VEGFC: variants seen among roughly 807,000 people sequenced by gnomAD.
VEGFC encodes the protein vascular endothelial growth factor C, also known as FLT4 ligand DHM.
Under a neutral mutation model 46.1 loss-of-function variants are expected in VEGFC, and 12 were observed. The observed-to-expected ratio is 0.26, with a 90% CI of 0.17 to 0.42. The LOEUF is 0.42. VEGFC is among the 10% of genes least tolerant of loss of function. The pLI is 1.00. For missense variants in VEGFC, 488 were observed against 529.4 expected, an observed-to-expected ratio of 0.92 and a Z score of 0.77; for synonymous variants, 232 against 195.5, an observed-to-expected ratio of 1.19 and a Z score of -1.56.
chr4:176,771,922 AT>A (rs1306063729), intron 1 of VEGFC, among the ~76,000 whole-genome samples: 1 of 152,146 alleles, frequency 6.6e-6, no homozygotes, highest in African/African-American at 2.4e-5. Context: ...TGATCCCCCA[AT>A]TTTCATATGA....
intron 1 of VEGFC, among the ~76,000 whole-genome samples, chr4:176,740,546 T>C (rs1476333228): frequency 6.9e-6 from 1 of 144,172 alleles, no homozygotes; most frequent in Non-Finnish European, 1.5e-5. Context: ...ATATAGAACA[T>C]ATGTAACTAT....
intron 1 of VEGFC, among the ~76,000 whole-genome samples, chr4:176,763,373 A>C (rs553165943): frequency 1.7e-5 from 2 of 117,034 alleles, no homozygotes; most frequent in African/African-American, 6.0e-5. Flanking sequence ...ACTATAGTTA[A>C]CATGAATGAA....
At chr4:176,769,968 T>C (rs146836023) in intron 1 of VEGFC, among the ~76,000 whole-genome samples, 43 of 152,286 alleles carry the variant, frequency 2.8e-4, no homozygotes, top group African/African-American at 9.9e-4. Context: ...TCCCTGAAAA[T>C]ATTATTTCCT....
intron 1 of VEGFC, among the ~76,000 whole-genome samples, chr4:176,740,367 T>A (rs1462304056): frequency 8.2e-6 from 1 of 121,224 alleles, no homozygotes; most frequent in African/African-American, 3.4e-5. Flanking sequence ...TTATATATAT[T>A]CTATATATAG....
chr4:176,736,975 A>G (rs1231105086), intron 1 of VEGFC, among the ~76,000 whole-genome samples: 1 of 151,198 alleles, frequency 6.6e-6, no homozygotes, highest in Non-Finnish European at 1.5e-5. Flanking sequence ...TCAACAAATG[A>G]TAACTAATGT....
rs545042108 is a variant in VEGFC, at chr4:176,716,710, C to T, written c.553-5060G>A. Among the ~76,000 whole-genome samples the T allele has an allele frequency of 8.6e-5, 13 of 151,764 alleles. No homozygotes were observed. The East Asian group carries it at 1.3e-3, about 16-fold the overall frequency. ...ATTTCTGAAATACCAAATAGCTTAC[C>T]GTAAACACTGGAGTTTAATTCCCTT... On this transcript the variant is annotated intron_variant, in intron 3 of 6. Transcript: ENST00000618562.
At chr4:176,712,692 C>T (rs902589333) in intron 3 of VEGFC, among the ~76,000 whole-genome samples, 10 of 152,112 alleles carry the variant, frequency 6.6e-5, no homozygotes, top group African/African-American at 1.7e-4. Flanking sequence ...TGAACTTTCA[C>T]GCCATCAGCT....
At chr4:176,780,075 G>A (rs1480623644) in intron 1 of VEGFC, among the ~76,000 whole-genome samples, 3 of 152,046 alleles carry the variant, frequency 2.0e-5, no homozygotes, top group African/African-American at 4.8e-5. Flanking sequence ...TTTTACAGGG[G>A]TATCTATTAA....
At chr4:176,746,186 T>G (rs1370591328) in intron 1 of VEGFC, among the ~76,000 whole-genome samples, 1 of 152,076 alleles carries the variant, frequency 6.6e-6, no homozygotes, top group African/African-American at 2.4e-5. Context: ...AAAAAATACC[T>G]TATCCTCACC....
chr4:176,731,254 A>T (rs917280447), intron 1 of VEGFC, among the ~76,000 whole-genome samples: 4 of 152,010 alleles, frequency 2.6e-5, no homozygotes, highest in Admixed American at 6.6e-5. Flanking sequence ...TGCCAAAAAA[A>T]CTCACTTATG....
chr4:176,784,779 A>AAAAAAAAAAAAAAAG (rs1553998122), intron 1 of VEGFC, among the ~76,000 whole-genome samples: 1 of 100,290 alleles, frequency 1.0e-5, no homozygotes, highest in Non-Finnish European at 2.1e-5. Context: ...AAAAAAAAAA[A>AAAAAAAAAAAAAAAG]GATAAAGTAA....
At chr4:176,721,061 G>C (rs1734778432) in intron 3 of VEGFC, among the ~76,000 whole-genome samples, 1 of 151,912 alleles carries the variant, frequency 6.6e-6, no homozygotes, top group African/African-American at 2.4e-5. Context: ...CAAACACAGA[G>C]TACAGCATTG....
At chr4:176,696,827 C>T (rs994864058) in intron 4 of VEGFC, among the ~76,000 whole-genome samples, 4 of 152,150 alleles carry the variant, frequency 2.6e-5, no homozygotes, top group African/African-American at 9.7e-5. Context: ...AGAAATAACG[C>T]CGCATATCTA....
chr4:176,747,250 GTTC>G (rs567850980), intron 1 of VEGFC, among the ~76,000 whole-genome samples: 132 of 152,090 alleles, frequency 8.7e-4, no homozygotes, highest in African/African-American at 2.9e-3. Flanking sequence ...AACTGAATAT[GTTC>G]TTCTTCACCA....
chr4:176,690,019 G>C (rs936788136), intron 4 of VEGFC, among the ~76,000 whole-genome samples: 1 of 152,002 alleles, frequency 6.6e-6, no homozygotes, highest in Non-Finnish European at 1.5e-5. Flanking sequence ...ATCTATTTTT[G>C]GGAATAGATT....
At chr4:176,685,406 A>G (rs919209952) in intron 6 of VEGFC, among the ~76,000 whole-genome samples, 9 of 152,302 alleles carry the variant, frequency 5.9e-5, no homozygotes, top group Non-Finnish European at 1.0e-4. Context: ...TCAAAATATG[A>G]TATTTTCTCT....
chr4:176,758,048 TACTC>T (rs1735464391), intron 1 of VEGFC, among the ~76,000 whole-genome samples: 3 of 152,232 alleles, frequency 2.0e-5, no homozygotes, highest in Admixed American at 2.0e-4. Context: ...TTTTGTAAAT[TACTC>T]ATTCATTCAA....
rs142544379 is a variant in VEGFC, at chr4:176,762,559, T to C, written c.147+29606A>G. On this transcript the variant is annotated intron_variant, in intron 1 of 6. Coordinates refer to ENST00000618562, the MANE Select transcript of VEGFC (RefSeq NM_005429.5). ...TCATCATGTACCCAGTTTTAGGTAT[T>C]CTGTCACAGCAGCACAAATCAGACT... Among the ~76,000 whole-genome samples the C allele has an allele frequency of 2.1e-3, 325 of 152,306 alleles. 2 individuals are homozygous for C. Among genetic ancestry groups the C allele is most frequent in the African/African-American group, 7.5e-3 (312 of 41,560 alleles).
chr4:176,757,720 C>CT (rs1024218391), intron 1 of VEGFC, among the ~76,000 whole-genome samples: 3 of 151,968 alleles, frequency 2.0e-5, no homozygotes, highest in African/African-American at 7.2e-5. Context: ...TCTCCATTGT[C>CT]TTTTTCAGGT....
Sources: gnomAD v4.1 joint callset for allele counts (sites outside exome capture counted in the v4.1 genomes callset) on GRCh38, gnomAD v4.1.1 for gene constraint, MANE v1.5 for transcripts, NCBI Gene and HGNC (gene_info 2026-07-23, HGNC 2026-07-21) for gene names.